B4GALT5: variants seen among roughly 807,000 people sequenced by gnomAD.
B4GALT5 encodes the protein UDP-Gal:beta-GlcNAc beta-1,4-galactosyltransferase 5.
A neutral mutation model predicts 45.0 loss-of-function variants in B4GALT5; 11 were observed. The observed-to-expected ratio is 0.24, with a 90% CI of 0.15 to 0.40. The LOEUF (loss-of-function observed/expected upper bound fraction) is 0.40. B4GALT5 is among the 10% of genes least tolerant of loss of function. The pLI is 1.00. For missense variants in B4GALT5, 337 were observed against 500.2 expected (o/e 0.67, Z 3.11); for synonymous variants, 185 against 182.9 (o/e 1.01, Z -0.09).
chr20:49,685,514 G>A (rs1326127329), intron 1 of B4GALT5, among the ~76,000 whole-genome samples: 1 of 152,192 alleles, frequency 6.6e-6, no homozygotes, highest in Non-Finnish European at 1.5e-5. Flanking sequence ...AATGCAATGG[G>A]CTGGCAAACA....
At chr20:49,645,748 T>C (rs1433400993) in intron 3 of B4GALT5, among the ~76,000 whole-genome samples, 1 of 151,630 alleles carries the variant, frequency 6.6e-6, no homozygotes, top group East Asian at 1.9e-4. Context: ...AAACTCCCTC[T>C]CAAAAATAAA....
chr20:49,676,448 C>G (rs1340951035), intron 1 of B4GALT5, among the ~76,000 whole-genome samples: 1 of 152,128 alleles, frequency 6.6e-6, no homozygotes, highest in Non-Finnish European at 1.5e-5. Flanking sequence ...TGCATTTGTG[C>G]TAAATAATTT....
chr20:49,656,847 AT>A, intron 1 of B4GALT5, 145 bp from the exon 2 acceptor site: 1 of 1,051,476 alleles, frequency 9.5e-7, no homozygotes, highest in East Asian at 2.6e-5. Context: ...CCATAACTCT[AT>A]TTTCCATACC....
intron 1 of B4GALT5, among the ~76,000 whole-genome samples, chr20:49,676,740 T>C (rs548803132): frequency 1.3e-5 from 2 of 152,358 alleles, no homozygotes; most frequent in Admixed American, 6.5e-5. Context: ...GTTGGTGAAC[T>C]GCCTCTCTGG....
At chr20:49,663,042 T>G in intron 1 of B4GALT5, among the ~76,000 whole-genome samples, 1 of 152,198 alleles carries the variant, frequency 6.6e-6, no homozygotes, top group South Asian at 2.1e-4. Context: ...ATAAATAAAC[T>G]AGAACTGCAT....
chr20:49,697,937 T>G (rs1159990603), intron 1 of B4GALT5, among the ~76,000 whole-genome samples: 1 of 152,220 alleles, frequency 6.6e-6, no homozygotes, highest in African/African-American at 2.4e-5. Flanking sequence ...TTTTACCTGA[T>G]TAAATAAACT....
At chr20:49,646,907 G>C (rs994410947) in intron 3 of B4GALT5, 58 bp downstream of exon 3, 2 of 1,046,916 alleles carry the variant, frequency 1.9e-6, no homozygotes, top group Non-Finnish European at 2.9e-6. Context: ...GAGATCAAGA[G>C]TGCCCTCCCC....
intron 2 of B4GALT5, among the ~76,000 whole-genome samples, chr20:49,654,909 C>CCT (rs2085635918): frequency 6.6e-6 from 1 of 152,018 alleles, no homozygotes; most frequent in South Asian, 2.1e-4. Context: ...GAGTACAAGA[C>CCT]CAGACTGGGC....
At chr20:49,684,440 G>A (rs1004124391) in intron 1 of B4GALT5, among the ~76,000 whole-genome samples, 5 of 152,026 alleles carry the variant, frequency 3.3e-5, no homozygotes, top group South Asian at 2.1e-4. Context: ...GTGTGCGCCT[G>A]TAGTCCCAGC....
chr20:49,695,693 G>GC (rs2085836956), intron 1 of B4GALT5, among the ~76,000 whole-genome samples: 1 of 152,198 alleles, frequency 6.6e-6, no homozygotes, highest in Admixed American at 6.5e-5. Flanking sequence ...GAGCCACCGG[G>GC]CCCGGCCAGT....
At chr20:49,696,810 T>C (rs141765749) in intron 1 of B4GALT5, among the ~76,000 whole-genome samples, 53 of 152,314 alleles carry the variant, frequency 3.5e-4, no homozygotes, top group Non-Finnish European at 6.0e-4. Context: ...GGTGGTAACA[T>C]TTGTTAGATC....
Position 49,713,645 on chromosome 20 carries a change from G to T in B4GALT5, c.46C>A (p.Leu16Ile). 2 of 1,573,894 alleles carry T rather than the reference G, an allele frequency of 1.3e-6. No homozygotes were observed. The highest frequency in any genetic ancestry group is 1.7e-6 in the Non-Finnish European group (2 of 1,162,884). ...AGAGAAAAGAAGAAGAGCGCGGCGA[G>T]CAGCGAGCGGCGCGGCAGCCGCAGC... ...GLLRLPRRSL[L>I]AALFFFSLSS... Residue 16 changes from leucine (L) to isoleucine (I), a missense_variant, in exon 1 of 9, where the codon CTC (leucine) becomes ATC (isoleucine). Leu to Ile is a conservative substitution (Grantham distance 5, BLOSUM62 2). Transcript: ENST00000371711.
chr20:49,638,802 T>C (rs1013339684), intron 7 of B4GALT5, among the ~76,000 whole-genome samples: 6 of 152,086 alleles, frequency 3.9e-5, no homozygotes, highest in African/African-American at 1.4e-4. Context: ...AAAAGAATTA[T>C]CTACTATATC....
chr20:49,690,755 T>C (rs1008786037), intron 1 of B4GALT5, among the ~76,000 whole-genome samples: 2 of 152,210 alleles, frequency 1.3e-5, no homozygotes, highest in African/African-American at 2.4e-5. Flanking sequence ...GGCATACCGA[T>C]TGATATGTTC....
At chr20:49,689,974 G>A (rs2085803365) in intron 1 of B4GALT5, among the ~76,000 whole-genome samples, 1 of 151,976 alleles carries the variant, frequency 6.6e-6, no homozygotes, top group Admixed American at 6.6e-5. Flanking sequence ...AGGTCTCTAG[G>A]CATACATAGC....
chr20:49,640,406 T>C (rs2085571735), intron 6 of B4GALT5, 72 bp downstream of exon 6: 5 of 1,383,856 alleles, frequency 3.6e-6, no homozygotes, highest in Non-Finnish European at 3.8e-6. Flanking sequence ...TGCAGCTAAT[T>C]AGATTTCCTT....
intron 1 of B4GALT5, among the ~76,000 whole-genome samples, chr20:49,690,149 A>G (rs1600551640): frequency 2.7e-5 from 1 of 37,530 alleles, no homozygotes; most frequent in African/African-American, 7.8e-5. Context: ...GATTAGAAGC[A>G]CACACCACTA....
intron 2 of B4GALT5, among the ~76,000 whole-genome samples, chr20:49,650,462 A>G (rs1414750548): frequency 2.1e-5 from 1 of 46,912 alleles, no homozygotes; most frequent in Non-Finnish European, 6.8e-5. Context: ...CTGCTAAAAA[A>G]AAAAAAAAAA....
chr20:49,679,495 C>T (rs891095852), intron 1 of B4GALT5, among the ~76,000 whole-genome samples: 3 of 150,078 alleles, frequency 2.0e-5, no homozygotes, highest in Admixed American at 6.7e-5. Flanking sequence ...GGTGAAACCC[C>T]GTCTCTACTA....
Sources: gnomAD v4.1 joint callset for allele counts (sites outside exome capture counted in the v4.1 genomes callset) on GRCh38, gnomAD v4.1.1 for gene constraint, MANE v1.5 for transcripts, NCBI Gene and HGNC (gene_info 2026-07-23, HGNC 2026-07-21) for gene names.